Variants in C12orf43 observed in about 807,000 individuals in gnomAD.
C12orf43 encodes protein CUSTOS.
Under a neutral mutation model 20.6 loss-of-function variants are expected in C12orf43, and 15 were observed. That is an observed-to-expected ratio of 0.73 (90% CI 0.49 to 1.12). The LOEUF is 1.12. Among genes scored for constraint, C12orf43 ranks in the 50% most tolerant of loss-of-function variants. C12orf43 has a pLI of 0.00. For missense variants in C12orf43, 334 were observed against 344.4 expected, an observed-to-expected ratio of 0.97 and a Z score of 0.24; for synonymous variants, 144 against 130.8, an observed-to-expected ratio of 1.10 and a Z score of -0.69.
Position 121,006,348 on chromosome 12 carries a change from C to T in C12orf43, c.334G>A (p.Val112Ile). 2 of 1,614,118 alleles carry T rather than the reference C, an allele frequency of 1.2e-6. No homozygotes were observed. The highest frequency in any genetic ancestry group is 1.7e-6 in the Non-Finnish European group (2 of 1,179,970). ...TCATCCTCCAAAGCGACTTTCTGTA[C>T]CTTAGCTTTTGCTGGCTCCTTTGCT... ...EAAKEPAKAK[V>I]QKVALEDDGF... The change falls in exon 4 of 6, where the codon GTA (valine) becomes ATA (isoleucine). Residue 112 changes from valine (V) to isoleucine (I), a missense_variant. Coordinates refer to ENST00000288757, the MANE Select transcript of C12orf43 (RefSeq NM_022895.3).
Position 121,004,413 on chromosome 12 carries a change from T to C in C12orf43, c.529A>G (p.Ile177Val). 1 of 1,614,014 alleles carries C rather than the reference T, an allele frequency of 6.2e-7. No individual in the cohort carries two copies. Among genetic ancestry groups the C allele is most frequent in the Admixed American group, 1.7e-5 (1 of 60,014 alleles). ...SASDILQESA[I>V]HSPGTVEKEA... The stretch of plus-strand genomic sequence containing the variant: ...TTCTCCACTGTTCCAGGGCTGTGGA[T>C]GGCTGACTCCTGTAGGATGTCGGAC... The change falls in exon 6 of 6, where the codon ATC (isoleucine) becomes GTC (valine). Residue 177 changes from isoleucine (I) to valine (V), a missense_variant. By Grantham distance (29) the Ile-to-Val change is conservative. Transcript: ENST00000288757. This position sits in a 1 kb window ranked among gnomAD's most constrained non-coding sequence, Gnocchi z 5.6.
chr12:121,005,432 A>G lies in C12orf43; in HGVS notation c.362-339T>C, dbSNP rs1449963449. ...CTGGTCCAGAGGCAAAGACCCAGGA[A>G]TCAGTCGTCTAACTACAAAGTGATT... On this transcript the variant is annotated intron_variant, in intron 4 of 5. Transcript: ENST00000288757. The surrounding 1 kb of genome is among the most constrained non-coding windows in gnomAD (Gnocchi z 5.6). Among the ~76,000 whole-genome samples, 3 of 152,154 alleles carry G rather than the reference A, an allele frequency of 2.0e-5. No homozygotes were observed. Among genetic ancestry groups the G allele is most frequent in the Non-Finnish European group, 2.9e-5 (2 of 68,022 alleles).
At chr12:121,007,925 T>G (rs117846701) in intron 3 of C12orf43, among the ~76,000 whole-genome samples, 1,820 of 151,830 alleles carry the variant, frequency 0.012, 10 homozygotes, top group Non-Finnish European at 0.019. Context: ...CAGGGGCATT[T>G]GGCAATGTCT....
At chr12:121,014,005 T>A (rs1868635299) in intron 1 of C12orf43, among the ~76,000 whole-genome samples, 1 of 152,156 alleles carries the variant, frequency 6.6e-6, no homozygotes, top group Admixed American at 6.5e-5. Flanking sequence ...AATTCTCAAC[T>A]CCTGGTGGCT....
At chr12:121,009,612 C>A (rs1324914183) in intron 3 of C12orf43, among the ~76,000 whole-genome samples, 1 of 152,154 alleles carries the variant, frequency 6.6e-6, no homozygotes, top group East Asian at 1.9e-4. Context: ...TATGTGAGGA[C>A]ACAGTAGGAA....
At chr12:121,007,889 C>T (rs1206731773) in intron 3 of C12orf43, among the ~76,000 whole-genome samples, 1 of 152,012 alleles carries the variant, frequency 6.6e-6, no homozygotes, top group East Asian at 1.9e-4. Context: ...GTTCTTGACC[C>T]CACACAGTGG....
chr12:121,010,690 C>A (rs944047697), intron 3 of C12orf43, 138 bp downstream of exon 3: 7 of 500,354 alleles, frequency 1.4e-5, no homozygotes, highest in African/African-American at 4.0e-5. Flanking sequence ...TGATAATGTT[C>A]TTTATAAATG....
At chr12:121,013,754 A>G (rs1033553768) in intron 1 of C12orf43, among the ~76,000 whole-genome samples, 1 of 152,208 alleles carries the variant, frequency 6.6e-6, no homozygotes, top group East Asian at 1.9e-4. Context: ...TTTGACCACA[A>G]TAGACACTTG....
intron 1 of C12orf43, among the ~76,000 whole-genome samples, chr12:121,014,268 G>T (rs1413387013): frequency 6.6e-6 from 1 of 152,170 alleles, no homozygotes; most frequent in East Asian, 1.9e-4. Context: ...GGAGGCGGAG[G>T]TTGCAGGGAG....
chr12:121,013,171 C>T (rs1268614612), intron 1 of C12orf43, among the ~76,000 whole-genome samples: 2 of 152,182 alleles, frequency 1.3e-5, no homozygotes, highest in Non-Finnish European at 2.9e-5. Flanking sequence ...ATGCTAAACA[C>T]GCCCCATGCT....
In C12orf43 at chr12:121,004,116, C is replaced by A. The variant is rs759546001; in HGVS notation, c.*37G>T. 6.2e-7 allele frequency: 1 copy of A among 1,605,770 alleles called. No individual in the cohort carries two copies. The highest frequency in any genetic ancestry group is 2.2e-5 in the East Asian group (1 of 44,830). ...CCCCAGGGTGGGGGGGACACCTTGT[C>A]CTTGGAGCTGGCTGAGCCCTGTGCC... On this transcript the variant is annotated 3_prime_UTR_variant, in exon 6 of 6. Coordinates refer to ENST00000288757, the MANE Select transcript of C12orf43 (RefSeq NM_022895.3). The surrounding 1 kb of genome is among the most constrained non-coding windows in gnomAD (Gnocchi z 5.6).
chr12:121,015,976 C>G (rs1442408708), intron 1 of C12orf43, among the ~76,000 whole-genome samples: 2 of 152,114 alleles, frequency 1.3e-5, no homozygotes, highest in Non-Finnish European at 2.9e-5. Context: ...GCAACAACCT[C>G]CAGGGTGGGA....
At position 121,005,121 on chromosome 12, in the gene C12orf43, A is replaced by AAAAAC. The variant is rs781713819; in HGVS notation, c.362-33_362-29dup. 4.5e-6 allele frequency: 5 copies of AAAAAC among 1,116,948 alleles called. No individual in the cohort carries two copies. Among genetic ancestry groups the AAAAAC allele is most frequent in the Admixed American group, 4.0e-5 (1 of 24,884 alleles). The allele number at this position is 1,116,948 out of a possible 1,614,324, so 69.2% of individuals were successfully genotyped here. On this transcript the variant is annotated intron_variant, in intron 4 of 5. Transcript: ENST00000288757. This position sits in a 1 kb window ranked among gnomAD's most constrained non-coding sequence, Gnocchi z 5.6. Reference sequence around the variant, plus strand: ...AAGATTCAATGGGGCAGAGTCAAACAAAAACAAAACAAAACAAAAAGAAAC... The same window carrying AAAAAC: ...AAGATTCAATGGGGCAGAGTCAAACAAAAACAAAACAAAACAAAACAAAAAGAAAC...
At position 121,011,055 on chromosome 12, in the gene C12orf43, G is replaced by A. The variant is rs199993208; in HGVS notation, c.188+49C>T. 10 of 1,601,136 alleles carry A rather than the reference G, an allele frequency of 6.2e-6. No individual in the cohort carries two copies. The East Asian group carries it at 1.8e-4, about 29-fold the overall frequency. The stretch of plus-strand genomic sequence containing the variant: ...AGCCTAGCATCTGGCACACGCAGGG[G>A]ATCAGTATTTGTTGAATAAGTGAAA... On this transcript the variant is annotated intron_variant, in intron 2 of 5. Transcript: ENST00000288757.
intron 1 of C12orf43, among the ~76,000 whole-genome samples, chr12:121,013,347 A>G (rs11611673): frequency 0.03 from 4,635 of 152,316 alleles, 129 homozygotes; most frequent in East Asian, 0.15. Flanking sequence ...AGAGGGAGAC[A>G]GTTCAGTTGA....
rs1877888373 is a variant in C12orf43, at chr12:121,005,157, A to C, written c.362-64T>G. 2 of 874,576 alleles carry C rather than the reference A, an allele frequency of 2.3e-6. No homozygotes were observed. Among genetic ancestry groups the C allele is most frequent in the East Asian group, 4.9e-5 (1 of 20,414 alleles). 54.2% of individuals were successfully genotyped at this position (874,576 alleles called of 1,614,324 possible). On this transcript the variant is annotated intron_variant, in intron 4 of 5. Coordinates refer to ENST00000288757, the MANE Select transcript of C12orf43 (RefSeq NM_022895.3). The surrounding 1 kb of genome is among the most constrained non-coding windows in gnomAD (Gnocchi z 5.6). Reference sequence around the variant, plus strand: ...AAAACAAAAAGAAACATAAAAAAATAAAAAATAAAGAAACAAAAAAGAAAA... The same window carrying C: ...AAAACAAAAAGAAACATAAAAAAATCAAAAATAAAGAAACAAAAAAGAAAA...
In C12orf43 at chr12:121,005,713, C is replaced by T. The variant is rs539713525; in HGVS notation, c.361+608G>A. ...AGACGAGGCCGCCTCAGGCAAATGA[C>T]TTCGTTTCTCAGGGCCTCAGTCTCC... is the stretch of plus-strand genomic sequence containing the variant. On this transcript the variant is annotated intron_variant, in intron 4 of 5. Transcript: ENST00000288757. This position sits in a 1 kb window ranked among gnomAD's most constrained non-coding sequence, Gnocchi z 5.6. 6.6e-6 allele frequency among the ~76,000 whole-genome samples: 1 copy of T among 152,350 alleles called. No homozygotes were observed. The highest frequency in any genetic ancestry group is 2.1e-4 in the South Asian group (1 of 4,832).
chr12:121,002,009 C>T lies in C12orf43; in HGVS notation c.*2144G>A, dbSNP rs1176839412. ...GTCGTCCTTACTCCTGTGGGAGCCT[C>T]GCAACCCGTGCCAAGTCCAGGTCCT... On this transcript the variant is annotated 3_prime_UTR_variant, in exon 6 of 6. Transcript: ENST00000288757. The T allele has an allele frequency of 4.1e-5, 22 of 536,578 alleles. No homozygotes were observed. Among genetic ancestry groups the T allele is most frequent in the South Asian group, 1.1e-4 (7 of 65,252 alleles). The allele number at this position is 536,578 out of a possible 1,614,324, so 33.2% of individuals were successfully genotyped here. A position where few individuals can be genotyped will look rare whatever the true frequency, so the allele number is the denominator to read the frequency against.
In C12orf43 at chr12:121,016,476, T is replaced by C; in HGVS notation, c.-2A>G. The stretch of plus-strand genomic sequence containing the variant: ...CACTGTGCCACTGGGCGCCGCCATC[T>C]TGAACCACCGCAAAGGATTGTGGAG... On this transcript the variant is annotated 5_prime_UTR_variant, in exon 1 of 6. Coordinates refer to ENST00000288757, the MANE Select transcript of C12orf43 (RefSeq NM_022895.3). The C allele has an allele frequency of 6.2e-7, 1 of 1,614,014 alleles. No individual in the cohort carries two copies.
Sources: allele counts gnomAD v4.1 joint callset (sites outside exome capture counted in the v4.1 genomes callset), GRCh38; gene constraint gnomAD v4.1.1; non-coding constraint Gnocchi (gnomAD v3.1); transcripts MANE v1.5; gene names NCBI Gene and HGNC (gene_info 2026-07-23, HGNC 2026-07-21).